The following UNC13C variants were observed in gnomAD, a reference collection of about 807,000 sequenced individuals.
UNC13C encodes the protein unc-13 homolog C.
UNC13C carries 174 observed loss-of-function variants against 245.4 expected under a neutral mutation model. That is an observed-to-expected ratio of 0.71 (90% CI 0.63 to 0.80). UNC13C has a LOEUF of 0.80. Among genes scored for constraint, UNC13C ranks in the 30% least tolerant of loss-of-function variants. The pLI is 0.00. For synonymous variants in UNC13C, 992 were observed against 895.1 expected (o/e 1.11, Z -1.93); for missense variants, 2,829 against 2,602.9 (o/e 1.09, Z -1.89).
At chr15:53,878,726 A>G in the UNC13C span, among the ~76,000 whole-genome samples, 1 of 152,180 alleles carries the variant, frequency 6.6e-6, no homozygotes, top group African/African-American at 2.4e-5. Context: ...CATAATGATG[A>G]TATTCCTAAT....
At position 54,013,458 on chromosome 15, in the gene UNC13C, A is replaced by C; in HGVS notation, c.555A>C (p.Arg185Ser). Residue 185 changes from arginine (R) to serine (S), a missense_variant, in exon 2 of 33, where the codon AGA becomes AGC. Physicochemically the swap from Arg to Ser is moderately radical, Grantham distance 110. Transcript: ENST00000260323. ...GLKLGALRKLRKWKKSQECVS... is the reference protein window; with the variant it reads ...GLKLGALRKLSKWKKSQECVS... ...AACTGGGAGCTTTACGAAAACTGAGAAAATGGAAAAAGAGTCAAGAATGTG... is the reference window on the plus strand; with the variant it reads ...AACTGGGAGCTTTACGAAAACTGAGCAAATGGAAAAAGAGTCAAGAATGTG... The C allele has an allele frequency of 6.2e-7, 1 of 1,613,870 alleles. No individual in the cohort carries two copies. The highest frequency in any genetic ancestry group is 1.1e-5 in the South Asian group (1 of 91,080).
At chr15:54,300,989 A>ATTATAC (rs10638902) in intron 13 of UNC13C, among the ~76,000 whole-genome samples, 68,994 of 151,504 alleles carry the variant, frequency 0.46, 17,165 homozygotes, top group African/African-American at 0.67. Flanking sequence ...GAATTAACTT[A>ATTATAC]TTATAATTTC....
At chr15:54,005,714 C>T (rs572930224) in intron 1 of UNC13C, among the ~76,000 whole-genome samples, 5 of 152,252 alleles carry the variant, frequency 3.3e-5, no homozygotes, top group South Asian at 2.1e-4. Context: ...ACATGAGTCT[C>T]GATTTCTCAT....
chr15:54,463,392 T>C (rs776640180), intron 19 of UNC13C, among the ~76,000 whole-genome samples: 2 of 150,762 alleles, frequency 1.3e-5, no homozygotes, highest in Non-Finnish European at 3.0e-5. Flanking sequence ...GCAGTAAATC[T>C]TACTGCTGCT....
intron 13 of UNC13C, among the ~76,000 whole-genome samples, chr15:54,310,774 AT>A (rs2037849841): frequency 9.9e-6 from 1 of 101,480 alleles, no homozygotes; most frequent in African/African-American, 3.5e-5. Context: ...CTATATCTAT[AT>A]CTATATATAT....
chr15:53,891,600 T>C, the UNC13C span, among the ~76,000 whole-genome samples: 30 of 152,348 alleles, frequency 2.0e-4, no homozygotes, highest in Non-Finnish European at 3.1e-4. Flanking sequence ...ATTGATCCCT[T>C]TACCATTATA....
intron 18 of UNC13C, among the ~76,000 whole-genome samples, chr15:54,398,515 A>G (rs561445420): frequency 1.3e-5 from 2 of 151,524 alleles, no homozygotes; most frequent in Admixed American, 1.3e-4. Context: ...AAGAGTTTTT[A>G]TAAAATTTGA....
upstream of UNC13C, among the ~76,000 whole-genome samples, chr15:53,977,527 G>A (rs1340482725): frequency 1.3e-5 from 2 of 152,058 alleles, no homozygotes; most frequent in African/African-American, 2.4e-5. Context: ...CTTCAGTCCT[G>A]GAAATATCCT....
chr15:54,440,840 A>G (rs1030604518), intron 19 of UNC13C, among the ~76,000 whole-genome samples: 5 of 151,972 alleles, frequency 3.3e-5, no homozygotes, highest in East Asian at 1.9e-4. Context: ...AATCTTTTTA[A>G]TAATAGCTAT....
chr15:54,303,735 G>A (rs190940038), intron 13 of UNC13C, among the ~76,000 whole-genome samples: 15 of 151,680 alleles, frequency 9.9e-5, no homozygotes, highest in African/African-American at 2.9e-4. Context: ...CAAGGTGGTC[G>A]GGGCACAGCT....
At chr15:54,414,332 A>G (rs1051346574) in intron 18 of UNC13C, among the ~76,000 whole-genome samples, 1 of 152,138 alleles carries the variant, frequency 6.6e-6, no homozygotes, top group African/African-American at 2.4e-5. Flanking sequence ...CATCTGATCT[A>G]TCCTCAAAAG....
chr15:54,280,763 TACATACATATATATATATACAC>T (rs1392345874), intron 10 of UNC13C, among the ~76,000 whole-genome samples: 75 of 135,936 alleles, frequency 5.5e-4, no homozygotes, highest in Middle Eastern at 3.8e-3. Context: ...TACACATACA[TACATACATATATATATATACAC>T]ATATATATAT....
At chr15:54,079,272 G>A (rs768314400) in intron 2 of UNC13C, among the ~76,000 whole-genome samples, 4 of 151,806 alleles carry the variant, frequency 2.6e-5, no homozygotes, top group African/African-American at 4.8e-5. Context: ...TCTTTTTTGC[G>A]TAGGATTACT....
At chr15:54,321,480 C>T (rs1189919537) in intron 13 of UNC13C, 2 of 485,510 alleles carry the variant, frequency 4.1e-6, no homozygotes, top group Non-Finnish European at 8.2e-6. Context: ...ACATCCACCT[C>T]CTCCACAGTG....
intron 28 of UNC13C, among the ~76,000 whole-genome samples, chr15:54,550,338 G>T (rs1896682030): frequency 6.6e-6 from 1 of 151,918 alleles, no homozygotes; most frequent in African/African-American, 2.4e-5. Context: ...TGTGGCTCTT[G>T]TAAAATGCAA....
At chr15:54,493,580 T>C (rs1893820860) in intron 19 of UNC13C, among the ~76,000 whole-genome samples, 1 of 152,122 alleles carries the variant, frequency 6.6e-6, no homozygotes, top group Non-Finnish European at 1.5e-5. Flanking sequence ...AACCTAATTC[T>C]TCAAATAGTG....
intron 19 of UNC13C, among the ~76,000 whole-genome samples, chr15:54,443,447 G>A (rs7161800): frequency 0.38 from 58,039 of 151,598 alleles, 11,357 homozygotes; most frequent in East Asian, 0.62. Flanking sequence ...AACTAATTTC[G>A]GATTTGGTTT....
At chr15:53,852,205 C>T in the UNC13C span, among the ~76,000 whole-genome samples, 19,227 of 152,204 alleles carry the variant, frequency 0.13, 1,386 homozygotes, top group Admixed American at 0.21. Flanking sequence ...CAGTTGGGGT[C>T]TGACGCTTGG....
intron 2 of UNC13C, among the ~76,000 whole-genome samples, chr15:54,087,232 A>T (rs1899294932): frequency 6.6e-6 from 1 of 152,264 alleles, no homozygotes; most frequent in Admixed American, 6.5e-5. Flanking sequence ...TTTAAAAAAA[A>T]TAAATCAAAG....
Sources: allele counts gnomAD v4.1 joint callset (sites outside exome capture counted in the v4.1 genomes callset), GRCh38; gene constraint gnomAD v4.1.1; transcripts MANE v1.5; gene names NCBI Gene and HGNC (gene_info 2026-07-23, HGNC 2026-07-21).